Variants in EPHA6 observed in about 807,000 individuals in gnomAD.
The protein encoded by EPHA6 is EPH receptor A6, also known as ephrin type-A receptor 6.
In EPHA6, 50 loss-of-function variants were observed where a neutral mutation model predicts 112.0. The ratio of observed to expected loss-of-function variants is 0.45; its 90% CI spans 0.36 to 0.56. EPHA6 has a LOEUF of 0.56. Ranked by LOEUF, EPHA6 falls within the 20% of genes least tolerant of loss-of-function variation. The pLI, the probability that EPHA6 is intolerant of heterozygous loss-of-function variation, is 0.00. For missense variants in EPHA6, 1,280 were observed against 1,417.4 expected, an observed-to-expected ratio of 0.90 and a Z score of 1.56; for synonymous variants, 529 against 490.7, an observed-to-expected ratio of 1.08 and a Z score of -1.03.
At chr3:97,385,212 G>T (rs1230693303) in intron 5 of EPHA6, among the ~76,000 whole-genome samples, 1 of 152,052 alleles carries the variant, frequency 6.6e-6, no homozygotes, top group Non-Finnish European at 1.5e-5. Flanking sequence ...AAGAGACCAA[G>T]AAAGATATTT....
rs112397792 is a variant in EPHA6, at chr3:97,034,839, C to T, written c.1114+46846C>T. Among the ~76,000 whole-genome samples, 805 of 151,962 alleles carry T rather than the reference C, an allele frequency of 5.3e-3. 6 individuals are homozygous for T. Among genetic ancestry groups the T allele is most frequent in the African/African-American group, 0.018 (727 of 41,490 alleles). On this transcript the variant is annotated intron_variant, in intron 3 of 17. Coordinates refer to ENST00000389672, the MANE Select transcript of EPHA6 (RefSeq NM_001080448.3). The stretch of plus-strand genomic sequence containing the variant: ...AAATCACGGGAGAGGTCCTCTTGTA[C>T]TTCCTTTTGAACTTTTCTGAGACCT...
chr3:97,224,611 A>G (rs959632917), intron 3 of EPHA6, among the ~76,000 whole-genome samples: 2 of 152,168 alleles, frequency 1.3e-5, no homozygotes, highest in Non-Finnish European at 2.9e-5. Context: ...TATGTGTCTT[A>G]TAGGTTCTAT....
chr3:97,640,850 T>C (rs183596143), intron 14 of EPHA6, among the ~76,000 whole-genome samples: 1 of 152,024 alleles, frequency 6.6e-6, no homozygotes, highest in Non-Finnish European at 1.5e-5. Context: ...ACAGGAGGAC[T>C]AGTAGCAGAC....
intron 3 of EPHA6, among the ~76,000 whole-genome samples, chr3:97,083,402 C>T (rs1306618541): frequency 2.6e-5 from 4 of 152,038 alleles, no homozygotes; most frequent in Middle Eastern, 3.4e-3. Flanking sequence ...TTAGCTTTGA[C>T]GCTCTTTGGT....
In EPHA6 at chr3:97,268,991, A is replaced by G. The variant is rs150564561; in HGVS notation, c.1606+24704A>G. Among the ~76,000 whole-genome samples, 593 of 152,292 alleles carry G rather than the reference A, an allele frequency of 3.9e-3. 5 individuals are homozygous for G. Among genetic ancestry groups the G allele is most frequent in the Non-Finnish European group, 5.2e-3 (354 of 68,018 alleles). Reference sequence around the variant, plus strand: ...TATATGTTACTTATGGCGTGGGAGAACATTCCCTTTAGGATATTATTGAAG... The same window carrying G: ...TATATGTTACTTATGGCGTGGGAGAGCATTCCCTTTAGGATATTATTGAAG... On this transcript the variant is annotated intron_variant, in intron 5 of 17. Transcript: ENST00000389672.
intron 13 of EPHA6, among the ~76,000 whole-genome samples, chr3:97,613,922 A>G (rs2093741404): frequency 6.6e-6 from 1 of 152,178 alleles, no homozygotes; most frequent in Non-Finnish European, 1.5e-5. Flanking sequence ...ATCCCCATAC[A>G]GGCTTTTTCC....
intron 1 of EPHA6, among the ~76,000 whole-genome samples, chr3:96,822,984 ATGT>A (rs1445070489): frequency 6.6e-6 from 1 of 151,590 alleles, no homozygotes; most frequent in Non-Finnish European, 1.5e-5. Flanking sequence ...ATAAAGATAA[ATGT>A]TGTGTACTAG....
At chr3:97,321,945 AGT>A (rs2082141811) in intron 5 of EPHA6, among the ~76,000 whole-genome samples, 1 of 152,050 alleles carries the variant, frequency 6.6e-6, no homozygotes, top group Admixed American at 6.6e-5. Context: ...GCAAACTTTA[AGT>A]GCAAGGCACT....
intron 3 of EPHA6, among the ~76,000 whole-genome samples, chr3:97,024,178 ACAGTCTTACTTCTCAAC>A (rs147329821): frequency 0.048 from 7,314 of 152,274 alleles, 214 homozygotes; most frequent in Middle Eastern, 0.1. Flanking sequence ...TAAATGGAAT[ACAGTCTTACTTCTCAAC>A]CATATCTTTT....
At chr3:97,613,080 A>G (rs1560190856) in intron 13 of EPHA6, among the ~76,000 whole-genome samples, 1 of 152,024 alleles carries the variant, frequency 6.6e-6, no homozygotes, top group Non-Finnish European at 1.5e-5. Context: ...AAAAAATCAA[A>G]TGAATGGAAA....
At chr3:96,904,475 G>A (rs926547955) in intron 2 of EPHA6, among the ~76,000 whole-genome samples, 6 of 104,264 alleles carry the variant, frequency 5.8e-5, no homozygotes, top group Non-Finnish European at 9.1e-5. Flanking sequence ...GGGGAGGGGG[G>A]AGGGATAGAA....
At chr3:97,200,577 C>A (rs935694615) in intron 3 of EPHA6, among the ~76,000 whole-genome samples, 2 of 152,102 alleles carry the variant, frequency 1.3e-5, no homozygotes, top group African/African-American at 4.8e-5. Flanking sequence ...TGAAAGCATG[C>A]AGACTCAGCA....
chr3:97,520,851 C>G (rs544102191), intron 10 of EPHA6, among the ~76,000 whole-genome samples: 51 of 152,256 alleles, frequency 3.3e-4, no homozygotes, highest in African/African-American at 1.2e-3. Context: ...AATATTTGGT[C>G]ACTATATGGT....
chr3:97,303,828 G>GA (rs1296691139), intron 5 of EPHA6, among the ~76,000 whole-genome samples: 7 of 151,884 alleles, frequency 4.6e-5, no homozygotes, highest in African/African-American at 7.3e-5. Flanking sequence ...AAAATTTTCA[G>GA]AAAATATAAG....
chr3:97,278,195 A>G (rs941854867), intron 5 of EPHA6, among the ~76,000 whole-genome samples: 1 of 152,236 alleles, frequency 6.6e-6, no homozygotes, highest in Admixed American at 6.5e-5. Context: ...TAAAGCAAAT[A>G]TGGTGAAAAT....
At chr3:96,902,241 G>A (rs1012646159) in intron 2 of EPHA6, among the ~76,000 whole-genome samples, 1 of 152,142 alleles carries the variant, frequency 6.6e-6, no homozygotes. Flanking sequence ...TAATTTTAAA[G>A]CAATGTATCA....
intron 11 of EPHA6, among the ~76,000 whole-genome samples, chr3:97,555,245 A>G (rs560405605): frequency 6.6e-6 from 1 of 152,132 alleles, no homozygotes; most frequent in South Asian, 2.1e-4. Flanking sequence ...CCATGTCCCT[A>G]CAAAGGACAT....
At chr3:97,525,918 G>T (rs1293602041) in intron 10 of EPHA6, among the ~76,000 whole-genome samples, 1 of 152,144 alleles carries the variant, frequency 6.6e-6, no homozygotes, top group African/African-American at 2.4e-5. Context: ...GATGGATATG[G>T]CTTCCGCTGG....
At chr3:97,312,975 G>T (rs139413992) in intron 5 of EPHA6, among the ~76,000 whole-genome samples, 6 of 151,248 alleles carry the variant, frequency 4.0e-5, no homozygotes, top group African/African-American at 1.5e-4. Context: ...TATTAACTGT[G>T]GTCACTATGC....
Sources: gnomAD v4.1 joint callset for allele counts (sites outside exome capture counted in the v4.1 genomes callset) on GRCh38, gnomAD v4.1.1 for gene constraint, MANE v1.5 for transcripts, NCBI Gene and HGNC (gene_info 2026-07-23, HGNC 2026-07-21) for gene names.